Variants in KRI1 observed in about 807,000 individuals in gnomAD.
KRI1 encodes KRI1 homolog, also known as protein KRI1 homolog.
KRI1 carries 83 observed loss-of-function variants against 97.0 expected under a neutral mutation model. The observed-to-expected ratio is 0.86, with a 90% confidence interval of 0.72 to 1.03. KRI1 has a LOEUF of 1.03. KRI1 is among the 50% of genes least tolerant of loss of function. The pLI is 0.00. For synonymous variants in KRI1, 371 were observed against 363.5 expected (o/e 1.02, Z -0.23); for missense variants, 916 against 928.4 (o/e 0.99, Z 0.17).
rs1332411292 is a variant in KRI1, at chr19:10,559,932, G to GGACC, written c.801_804dup (p.His269GlyfsTer28). The GGACC allele has an allele frequency of 3.1e-6, 5 of 1,610,522 alleles. No homozygotes were observed. Among genetic ancestry groups the GGACC allele is most frequent in the Non-Finnish European group, 4.2e-6 (5 of 1,179,712 alleles). ...ACAGCCAGCTGGACTGGGGGACCGT[G>GGACC]GACCCTGAGGGGCAAGATGTGGTGA... On this transcript the variant is annotated frameshift_variant, in exon 10 of 19. Coordinates refer to ENST00000312962, the MANE Select transcript of KRI1 (RefSeq NM_023008.5). LOFTEE classifies it high-confidence loss of function.
At position 10,563,332 on chromosome 19, in the gene KRI1, A is replaced by G. The variant is rs1599536588; in HGVS notation, c.275-495T>C. Among the ~76,000 whole-genome samples, 6 of 151,618 alleles carry G rather than the reference A, an allele frequency of 4.0e-5. No individual in the cohort carries two copies. In the East Asian group the frequency reaches 1.2e-3, roughly 29 times the overall value. On this transcript the variant is annotated intron_variant, in intron 3 of 18. Coordinates refer to ENST00000312962, the MANE Select transcript of KRI1 (RefSeq NM_023008.5). ...CGGCCTCCCAAAGTGCTGAGATTAC[A>G]GGCGTGAGCCACCGCACCCGGCCAT... is the stretch of plus-strand genomic sequence containing the variant.
At chr19:10,562,898 AATCCCAC>A in intron 3 of KRI1, 61 bp from the exon 4 acceptor site, 5 of 1,049,210 alleles carry the variant, frequency 4.8e-6, no homozygotes, top group South Asian at 1.3e-5. Flanking sequence ...CGTGGCAGAG[AATCCCAC>A]AGGGCAGGGC....
chr19:10,555,475 C>G, intron 16 of KRI1, 126 bp from the exon 17 acceptor site: 1 of 964,582 alleles, frequency 1.0e-6, no homozygotes. Flanking sequence ...CCATGATGGC[C>G]AGAGACAGCT....
chr19:10,565,134 G>C (rs181096036), intron 2 of KRI1, 100 bp from the exon 3 acceptor site: 1 of 800,032 alleles, frequency 1.2e-6, no homozygotes, highest in East Asian at 2.5e-5. Context: ...ATGGAGGGGG[G>C]TGGATCTGGC....
In KRI1 at chr19:10,555,076, GCA is replaced by G; in HGVS notation, c.1781+9_1781+10del. On this transcript the variant is annotated intron_variant, in intron 18 of 18. Coordinates refer to ENST00000312962, the MANE Select transcript of KRI1 (RefSeq NM_023008.5). ...CTCCCCACCCACGCTTCCCCAGCCA[GCA>G]CTGCTTACTCTTCTCGGCAGAGTGA... 6.2e-7 allele frequency: 1 copy of G among 1,610,272 alleles called. No individual in the cohort carries two copies. The highest frequency in any genetic ancestry group is 2.2e-5 in the East Asian group (1 of 44,874).
intron 3 of KRI1, 116 bp from the exon 4 acceptor site, chr19:10,562,953 A>C: frequency 1.4e-6 from 1 of 691,142 alleles, no homozygotes; most frequent in Non-Finnish European, 2.7e-6. Flanking sequence ...AAATCCACCA[A>C]TTCCCAGCTG....
intron 7 of KRI1, 41 bp downstream of exon 7, chr19:10,561,128 C>T: frequency 6.2e-7 from 1 of 1,612,748 alleles, no homozygotes; most frequent in Non-Finnish European, 8.5e-7. Flanking sequence ...AGCCACCCGC[C>T]ACCCTGTCCC....
In KRI1 at chr19:10,558,190, T is replaced by G; in HGVS notation, c.1244A>C (p.Gln415Pro). 1.2e-6 allele frequency: 2 copies of G among 1,613,912 alleles called. No individual in the cohort carries two copies. Among genetic ancestry groups the G allele is most frequent in the South Asian group, 2.2e-5 (2 of 91,074 alleles). Reference sequence around the variant, plus strand: ...TTCAAGCCCTTCTTCTTCCTCAAATTGTGGCTTCTCCTCCTCCACGGCCCC... The same window carrying G: ...TTCAAGCCCTTCTTCTTCCTCAAATGGTGGCTTCTCCTCCTCCACGGCCCC... Reference protein sequence around the residue: ...YYGAVEEEKPQFEEEEGLEDD... With the variant: ...YYGAVEEEKPPFEEEEGLEDD... Residue 415 changes from glutamine to proline, a missense_variant, in exon 13 of 19, where the codon CAA becomes CCA. Transcript: ENST00000312962.
chr19:10,557,333 C>A (rs1156898606), intron 16 of KRI1, among the ~76,000 whole-genome samples: 1 of 152,084 alleles, frequency 6.6e-6, no homozygotes, highest in East Asian at 1.9e-4. Context: ...TCTCGAACTC[C>A]TGACCTCAGG....
At position 10,554,022 on chromosome 19, in the gene KRI1, G is replaced by C. The variant is rs749828878; in HGVS notation, c.2041C>G (p.Pro681Ala). ...AGCTGGCGGAAGTGCAGCCGTTTGG[G>C]GTTGAGGCCAAAGGCCTGCAGTCTC... ...RQRLQAFGLN[P>A]KRLHFRQLGR... The change falls in exon 19 of 19, where the codon CCC becomes GCC. Residue 681 changes from proline to alanine, a missense_variant. By Grantham distance (27) the Pro-to-Ala change is conservative. This residue lies in a region of KRI1 where 672 missense variants were observed against 667.2 expected (regional missense o/e 1.01). Coordinates refer to ENST00000312962, the MANE Select transcript of KRI1 (RefSeq NM_023008.5). The C allele has an allele frequency of 1.9e-6, 3 of 1,613,986 alleles. No individual in the cohort carries two copies. Among genetic ancestry groups the C allele is most frequent in the South Asian group, 2.2e-5 (2 of 91,088 alleles).
rs182078576 is a variant in KRI1 at position 10,565,455 on chromosome 19, G to A, written c.168+262C>T. On this transcript the variant is annotated intron_variant, in intron 2 of 18. Coordinates refer to ENST00000312962, the MANE Select transcript of KRI1 (RefSeq NM_023008.5). ...GACTCTTGAGGATGAAAGAGGAAAG[G>A]GGGGGTTCTTGGGGGACAGAGTCGC... is the stretch of plus-strand genomic sequence containing the variant. The A allele has an allele frequency of 1.6e-5, 9 of 556,902 alleles. 1 individual carries two copies. Among genetic ancestry groups the A allele is most frequent in the Middle Eastern group, 4.7e-4 (1 of 2,118 alleles). The allele number at this position is 556,902 out of a possible 1,614,324, so 34.5% of individuals were successfully genotyped here. A position where few individuals can be genotyped will look rare whatever the true frequency, so the allele number is the denominator to read the frequency against.
intron 12 of KRI1, among the ~76,000 whole-genome samples, chr19:10,558,935 G>A (rs1057318434): frequency 6.6e-6 from 1 of 151,788 alleles, no homozygotes; most frequent in East Asian, 1.9e-4. Context: ...TCAATCTCCT[G>A]ACCTCGTGAT....
At chr19:10,555,003 T>A (rs1834322649) in intron 18 of KRI1, 84 bp downstream of exon 18, 2 of 1,142,562 alleles carry the variant, frequency 1.8e-6, no homozygotes, top group Admixed American at 2.0e-5. Context: ...CCCAAAGTCA[T>A]GCAACAAGAG....
At chr19:10,561,499 T>G in intron 6 of KRI1, among the ~76,000 whole-genome samples, 168 bp downstream of exon 6, 1 of 152,068 alleles carries the variant, frequency 6.6e-6, no homozygotes, top group South Asian at 2.1e-4. Context: ...AGCCCTGAGC[T>G]CTCCTCTCAA....
chr19:10,565,163 G>A (rs1486571518), intron 2 of KRI1, 129 bp from the exon 3 acceptor site: 2 of 694,008 alleles, frequency 2.9e-6, no homozygotes, highest in African/African-American at 3.6e-5. Flanking sequence ...TCAAACAGGT[G>A]GTCAAACAGC....
rs1916404091 is a variant in KRI1 at position 10,553,960 on chromosome 19, G to A, written c.2103C>T (p.Asn701=). 6 of 1,603,552 alleles carry A rather than the reference G, an allele frequency of 3.7e-6. No homozygotes were observed. The highest frequency in any genetic ancestry group is 1.7e-5 in the Admixed American group (1 of 58,640). The change falls in exon 19 of 19, where the codon AAC becomes AAT. Residue 701 remains asparagine, a synonymous_variant. Coordinates refer to ENST00000312962, the MANE Select transcript of KRI1 (RefSeq NM_023008.5). The stretch of plus-strand genomic sequence containing the variant: ...GCCTGCTCCCTGGTGCTCAGGAGCT[G>A]TTCTTGGGCCCCTGTTGTTTCCTCC... The part of the protein sequence containing the change: ...RQRRKQQGPK[N]SS
At chr19:10,565,398 C>A in intron 2 of KRI1, 2 of 494,132 alleles carry the variant, frequency 4.0e-6, no homozygotes, top group Non-Finnish European at 3.6e-6. Flanking sequence ...GGGCGCCCCA[C>A]GTGGCGCAAG....
At position 10,553,896 on chromosome 19, in the gene KRI1, G is replaced by A; in HGVS notation, c.*55C>T. 1 of 1,411,706 alleles carries A rather than the reference G, an allele frequency of 7.1e-7. No homozygotes were observed. Among genetic ancestry groups the A allele is most frequent in the Non-Finnish European group, 9.5e-7 (1 of 1,053,378 alleles). The allele number at this position is 1,411,706 out of a possible 1,614,324, so 87.4% of individuals were successfully genotyped here. On this transcript the variant is annotated 3_prime_UTR_variant, in exon 19 of 19. Transcript: ENST00000312962. ...GATAGTACTTGTGGGTGCGAGACCT[G>A]TCCAGGGCTTGATTTGAGGAGAGGA...
At chr19:10,555,805 T>A (rs977513666) in intron 16 of KRI1, among the ~76,000 whole-genome samples, 1 of 152,166 alleles carries the variant, frequency 6.6e-6, no homozygotes, top group African/African-American at 2.4e-5. Context: ...TTAGTACACA[T>A]CGGCTATTTT....
Sources: gnomAD v4.1 joint callset for allele counts (sites outside exome capture counted in the v4.1 genomes callset) on GRCh38, gnomAD v4.1.1 for gene constraint, gnomAD v4.1.1 regional missense constraint, MANE v1.5 for transcripts, NCBI Gene and HGNC (gene_info 2026-07-23, HGNC 2026-07-21) for gene names.